FOXK1: variants seen among roughly 807,000 people sequenced by gnomAD.
FOXK1 encodes the protein forkhead box protein K1.
Under a neutral mutation model 51.9 loss-of-function variants are expected in FOXK1, and 19 were observed. That is an observed-to-expected ratio of 0.37 (90% CI 0.26 to 0.54). FOXK1 has a LOEUF of 0.54. Ranked by LOEUF, FOXK1 falls within the 20% of genes least tolerant of loss-of-function variation. The pLI, the probability that FOXK1 is intolerant of heterozygous loss-of-function variation, is 0.87. For missense variants in FOXK1, 870 were observed against 1,032.7 expected, an observed-to-expected ratio of 0.84 and a Z score of 2.16; for synonymous variants, 537 against 482.6, an observed-to-expected ratio of 1.11 and a Z score of -1.48.
chr7:4,755,595 G>C lies in FOXK1; in HGVS notation c.1050+212G>C, dbSNP rs942579177. Among the ~76,000 whole-genome samples the C allele has an allele frequency of 1.4e-4, 21 of 152,162 alleles. No individual in the cohort carries two copies. Among genetic ancestry groups the C allele is most frequent in the Non-Finnish European group, 2.5e-4 (17 of 68,032 alleles). On this transcript the variant is annotated intron_variant, in intron 4 of 8. Coordinates refer to ENST00000328914, the MANE Select transcript of FOXK1 (RefSeq NM_001037165.2). This position sits in a 1 kb window ranked among gnomAD's most constrained non-coding sequence, Gnocchi z 6.6. ...TTTCTACTAAAAATTAGCTGAGTGT[G>C]GTGGTGCACACCTGTGGTCGCAGCT...
At position 4,737,087 on chromosome 7, in the gene FOXK1, A is replaced by C. The variant is rs568845666; in HGVS notation, c.561-3751A>C. The stretch of plus-strand genomic sequence containing the variant: ...CATGTGCGTGTGCAAATGTCTTACG[A>C]AAAAACACCTCTTCATGTCTTAATA... On this transcript the variant is annotated intron_variant, in intron 1 of 8. Coordinates refer to ENST00000328914, the MANE Select transcript of FOXK1 (RefSeq NM_001037165.2). 1.8e-4 allele frequency among the ~76,000 whole-genome samples: 27 copies of C among 151,660 alleles called. No homozygotes were observed. In the East Asian group the frequency reaches 5.3e-3, roughly 30 times the overall value.
intron 1 of FOXK1, among the ~76,000 whole-genome samples, chr7:4,695,600 G>A (rs761771615): frequency 2.6e-5 from 4 of 152,090 alleles, no homozygotes; most frequent in African/African-American, 9.7e-5. Flanking sequence ...TCAGGAGTTC[G>A]ACACCACCCT....
chr7:4,711,401 C>T lies in FOXK1; in HGVS notation c.560+28533C>T, dbSNP rs572071863. Among the ~76,000 whole-genome samples the T allele has an allele frequency of 2.0e-5, 3 of 152,222 alleles. No homozygotes were observed. The highest frequency in any genetic ancestry group is 7.2e-5 in the African/African-American group (3 of 41,536). ...TCCGGGGGTGGGTCCCAGCCAGCCG[C>T]CAGCTCTCCCTGGAGTGATTCCTGG... On this transcript the variant is annotated intron_variant, in intron 1 of 8. Transcript: ENST00000328914. This position sits in a 1 kb window ranked among gnomAD's most constrained non-coding sequence, Gnocchi z 6.3.
chr7:4,697,299 C>T (rs993616396), intron 1 of FOXK1, among the ~76,000 whole-genome samples: 1 of 152,018 alleles, frequency 6.6e-6, no homozygotes, highest in African/African-American at 2.4e-5. Context: ...AGGCAACGTG[C>T]TCAGGAAGAA....
chr7:4,684,695 G>A (rs1226770495), intron 1 of FOXK1, among the ~76,000 whole-genome samples: 1 of 152,086 alleles, frequency 6.6e-6, no homozygotes, highest in Non-Finnish European at 1.5e-5. Flanking sequence ...CTTTACAGAC[G>A]CACCTTTATA....
intron 1 of FOXK1, among the ~76,000 whole-genome samples, chr7:4,718,110 A>C (rs1034503618): frequency 9.9e-5 from 15 of 152,242 alleles, no homozygotes; most frequent in African/African-American, 3.6e-4. Context: ...GGAAACAATC[A>C]CAGATTCACA....
intron 1 of FOXK1, among the ~76,000 whole-genome samples, chr7:4,690,284 C>T (rs9655039): frequency 4.6e-5 from 7 of 152,208 alleles, no homozygotes; most frequent in Non-Finnish European, 7.4e-5. Context: ...AGCCGCTTCG[C>T]GGAACGGGGT....
chr7:4,691,627 C>T (rs551261633), intron 1 of FOXK1, among the ~76,000 whole-genome samples: 7 of 152,296 alleles, frequency 4.6e-5, no homozygotes, highest in African/African-American at 1.2e-4. Context: ...TGAGCCACCA[C>T]GCCCAGCCCA....
rs1348272192 is a variant in FOXK1 at position 4,771,257 on chromosome 7, T to C, written c.*8793T>C. 1 of 152,636 alleles carries C rather than the reference T, an allele frequency of 6.6e-6. No individual in the cohort carries two copies. Among genetic ancestry groups the C allele is most frequent in the Non-Finnish European group, 1.5e-5 (1 of 68,040 alleles). The allele number at this position is 152,636 out of a possible 1,614,324, so 9.5% of individuals were successfully genotyped here. On this transcript the variant is annotated 3_prime_UTR_variant, in exon 9 of 9. Coordinates refer to ENST00000328914, the MANE Select transcript of FOXK1 (RefSeq NM_001037165.2). ...TAAGAGTTTGAGATCTGAATGTGAT[T>C]TCTAATTGTATCAGACGTTAATGTT...
Position 4,759,760 on chromosome 7 carries a change from G to A in FOXK1, c.1696+165G>A, listed in dbSNP as rs1018398844. Reference sequence around the variant, plus strand: ...CTTTAAATCAGCATGAGCTGGGCAGGTGGCTCATGCTTATAATCCCAGTGC... The same window carrying A: ...CTTTAAATCAGCATGAGCTGGGCAGATGGCTCATGCTTATAATCCCAGTGC... On this transcript the variant is annotated intron_variant, in intron 7 of 8. Transcript: ENST00000328914. The A allele has an allele frequency of 1.9e-5, 17 of 880,082 alleles. No homozygotes were observed. The Admixed American group carries it at 5.0e-4, about 26-fold the overall frequency. 54.5% of individuals were successfully genotyped at this position (880,082 alleles called of 1,614,324 possible).
intron 1 of FOXK1, among the ~76,000 whole-genome samples, chr7:4,688,552 C>G (rs1779850124): frequency 6.6e-6 from 1 of 152,126 alleles, no homozygotes; most frequent in African/African-American, 2.4e-5. Context: ...CTCGCCACGA[C>G]ACCTGGCTAA....
intron 1 of FOXK1, among the ~76,000 whole-genome samples, chr7:4,717,944 G>A (rs969779110): frequency 2.0e-5 from 3 of 152,232 alleles, no homozygotes; most frequent in Admixed American, 6.5e-5. Context: ...GCCTCGTCAC[G>A]TTTTCTTCCT....
chr7:4,697,970 G>A (rs1157254353), intron 1 of FOXK1, among the ~76,000 whole-genome samples: 2 of 151,882 alleles, frequency 1.3e-5, no homozygotes, highest in Non-Finnish European at 2.9e-5. Flanking sequence ...GATTACAAGG[G>A]TGCGCCATCA....
At chr7:4,705,052 G>C (rs1015389663) in intron 1 of FOXK1, among the ~76,000 whole-genome samples, 5 of 151,838 alleles carry the variant, frequency 3.3e-5, no homozygotes, top group Non-Finnish European at 7.4e-5. Flanking sequence ...GGCTGGTCTC[G>C]AACTCCTGAC....
At position 4,730,605 on chromosome 7, in the gene FOXK1, C is replaced by T. The variant is rs771373274; in HGVS notation, c.561-10233C>T. On this transcript the variant is annotated intron_variant, in intron 1 of 8. Transcript: ENST00000328914. This position sits in a 1 kb window ranked among gnomAD's most constrained non-coding sequence, Gnocchi z 4.7. Reference sequence around the variant, plus strand: ...CGCCTTCAAGTTTGTGCCTTATTTTCCAAAGCCGCCACACTTGAGACGTCC... The same window carrying T: ...CGCCTTCAAGTTTGTGCCTTATTTTTCAAAGCCGCCACACTTGAGACGTCC... Among the ~76,000 whole-genome samples, 3 of 152,148 alleles carry T rather than the reference C, an allele frequency of 2.0e-5. No individual in the cohort carries two copies. The highest frequency in any genetic ancestry group is 4.8e-5 in the African/African-American group (2 of 41,440).
chr7:4,735,139 G>T lies in FOXK1; in HGVS notation c.561-5699G>T, dbSNP rs1780536195. 6.6e-6 allele frequency among the ~76,000 whole-genome samples: 1 copy of T among 152,208 alleles called. No individual in the cohort carries two copies. The highest frequency in any genetic ancestry group is 6.5e-5 in the Admixed American group (1 of 15,278). ...ACATGCCCCAAGTCACTCGGGCTCA[G>T]CACTGGTGGAGCGGTGGCCAGTTCC... On this transcript the variant is annotated intron_variant, in intron 1 of 8. Coordinates refer to ENST00000328914, the MANE Select transcript of FOXK1 (RefSeq NM_001037165.2). This position sits in a 1 kb window ranked among gnomAD's most constrained non-coding sequence, Gnocchi z 4.7.
chr7:4,769,918 A>C lies in FOXK1; in HGVS notation c.*7454A>C, dbSNP rs1781075471. 1 of 152,124 alleles carries C rather than the reference A, an allele frequency of 6.6e-6. No homozygotes were observed. Among genetic ancestry groups the C allele is most frequent in the Non-Finnish European group, 1.5e-5 (1 of 68,028 alleles). The allele number at this position is 152,124 out of a possible 1,614,324, so 9.4% of individuals were successfully genotyped here. ...TTGCCCTGTGTCAGACACGGTGAAA[A>C]GAGTGCAGGAAAGCTGGGGCCAGGG... On this transcript the variant is annotated 3_prime_UTR_variant, in exon 9 of 9. Coordinates refer to ENST00000328914, the MANE Select transcript of FOXK1 (RefSeq NM_001037165.2). This position sits in a 1 kb window ranked among gnomAD's most constrained non-coding sequence, Gnocchi z 4.1.
chr7:4,695,272 C>T (rs1305327719), intron 1 of FOXK1, among the ~76,000 whole-genome samples: 1 of 152,234 alleles, frequency 6.6e-6, no homozygotes, highest in South Asian at 2.1e-4. Flanking sequence ...GGAACACTTG[C>T]AGCCCTAATT....
rs1780932935 is a variant in FOXK1 at position 4,761,571 on chromosome 7, T to C, written c.1921+283T>C. On this transcript the variant is annotated intron_variant, in intron 8 of 8. Coordinates refer to ENST00000328914, the MANE Select transcript of FOXK1 (RefSeq NM_001037165.2). This position sits in a 1 kb window ranked among gnomAD's most constrained non-coding sequence, Gnocchi z 6.2. ...AGCAAGACCCCATCTCTACATAAGA[T>C]TCAAAAACTTAGCCAGGTGTGGTGT... Among the ~76,000 whole-genome samples the C allele has an allele frequency of 6.6e-6, 1 of 151,918 alleles. No individual in the cohort carries two copies. The highest frequency in any genetic ancestry group is 2.1e-4 in the South Asian group (1 of 4,808).
Sources: gnomAD v4.1 joint callset for allele counts (sites outside exome capture counted in the v4.1 genomes callset) on GRCh38, gnomAD v4.1.1 for gene constraint, Gnocchi (gnomAD v3.1) non-coding constraint, MANE v1.5 for transcripts, NCBI Gene and HGNC (gene_info 2026-07-23, HGNC 2026-07-21) for gene names.